The following CYP4F2 variants were observed in gnomAD, a reference collection of about 807,000 sequenced individuals.
CYP4F2 encodes the protein cytochrome P450 family 4 subfamily F member 2, also known as cytochrome P450 4F2.
Under a neutral mutation model 58.9 loss-of-function variants are expected in CYP4F2, and 58 were observed. The ratio of observed to expected loss-of-function variants is 0.98; its 90% CI spans 0.80 to 1.23. The LOEUF (loss-of-function observed/expected upper bound fraction) is 1.23, where lower values mean the gene tolerates loss of function less well. Ranked by LOEUF, CYP4F2 falls within the 50% of genes most tolerant of loss-of-function variation. CYP4F2 has a pLI of 0.00. For synonymous variants in CYP4F2, 287 were observed against 261.1 expected (o/e 1.10, Z -0.95); for missense variants, 616 against 685.6 (o/e 0.90, Z 1.13).
chr19:15,890,569 A>ATAACCT, intron 5 of CYP4F2, 136 bp from the exon 6 acceptor site: 1 of 1,374,712 alleles, frequency 7.3e-7, no homozygotes, highest in Non-Finnish European at 9.7e-7. Context: ...AGGGAGCACC[A>ATAACCT]GGTTATGGTG....
intron 1 of CYP4F2, 121 bp from the exon 2 acceptor site, chr19:15,897,733 G>T: frequency 2.4e-6 from 3 of 1,266,138 alleles, no homozygotes; most frequent in Non-Finnish European, 2.2e-6. Context: ...AGGGCTCAGG[G>T]ATGGGTAAAA....
At chr19:15,878,958 T>A in intron 12 of CYP4F2, 22 bp from the exon 13 acceptor site, 1 of 1,610,080 alleles carries the variant, frequency 6.2e-7, no homozygotes, top group Middle Eastern at 1.8e-4. Flanking sequence ...AGGTGGGAAC[T>A]CTGACTGCAC....
intron 6 of CYP4F2, 139 bp from the exon 7 acceptor site, chr19:15,889,832 G>A: frequency 1.5e-6 from 2 of 1,323,690 alleles, no homozygotes; most frequent in Non-Finnish European, 2.1e-6. Context: ...ATACAGGGTG[G>A]GGATCAGCAT....
Position 15,881,789 on chromosome 19 carries a change from A to T in CYP4F2, c.1116-1892T>A, listed in dbSNP as rs1386604858. On this transcript the variant is annotated intron_variant, in intron 9 of 12. Transcript: ENST00000221700. Reference sequence around the variant, plus strand: ...ATGTGGTGTGTATATACAATGGAATACCATTCAGCCTTAAAAAAAAAAAAA... The same window carrying T: ...ATGTGGTGTGTATATACAATGGAATTCCATTCAGCCTTAAAAAAAAAAAAA... Among the ~76,000 whole-genome samples the T allele has an allele frequency of 2.0e-5, 3 of 151,848 alleles. 1 individual carries two copies. The highest frequency in any genetic ancestry group is 4.4e-5 in the Non-Finnish European group (3 of 67,978).
In CYP4F2 at chr19:15,885,906, A is replaced by G. The variant is rs1213213197; in HGVS notation, c.1115+18T>C. On this transcript the variant is annotated intron_variant, in intron 9 of 12. Transcript: ENST00000221700. Reference sequence around the variant, plus strand: ...AATGAGAAGGTCTCAGGAAGAGGCCACAAGCACCTGCACTCACCATTCAAT... The same window carrying G: ...AATGAGAAGGTCTCAGGAAGAGGCCGCAAGCACCTGCACTCACCATTCAAT... The G allele has an allele frequency of 6.2e-7, 1 of 1,609,498 alleles. No individual in the cohort carries two copies. Among genetic ancestry groups the G allele is most frequent in the Non-Finnish European group, 8.5e-7 (1 of 1,177,464 alleles).
chr19:15,883,065 G>A (rs2089354914), intron 9 of CYP4F2, among the ~76,000 whole-genome samples: 2 of 152,142 alleles, frequency 1.3e-5, no homozygotes, highest in Admixed American at 6.5e-5. Flanking sequence ...CATGGGTCCA[G>A]GCAAAGATTT....
At chr19:15,887,699 C>T (rs950621817) in intron 7 of CYP4F2, among the ~76,000 whole-genome samples, 11 of 151,148 alleles carry the variant, frequency 7.3e-5, no homozygotes, top group Non-Finnish European at 1.6e-4. Context: ...TAGACACAGG[C>T]ACACACATAT....
intron 9 of CYP4F2, among the ~76,000 whole-genome samples, chr19:15,883,550 C>G (rs2089357571): frequency 1.3e-5 from 2 of 152,166 alleles, no homozygotes; most frequent in South Asian, 4.1e-4. Flanking sequence ...AGCGCAGCCA[C>G]TGCAGAGAAC....
rs749368089 is a variant in CYP4F2, at chr19:15,886,328, C to CA, written c.919-21_919-20insT. On this transcript the variant is annotated intron_variant, in intron 7 of 12. Coordinates refer to ENST00000221700, the MANE Select transcript of CYP4F2 (RefSeq NM_001082.5). ...TTCATCCTGGAGAGAAGGCAGTAAC[C>CA]CCCCCCAACCCCCACCCCCATAAAA... 1.9e-5 allele frequency: 31 copies of CA among 1,596,202 alleles called. No individual in the cohort carries two copies. The highest frequency in any genetic ancestry group is 1.3e-4 in the South Asian group (12 of 90,766).
At chr19:15,897,079 C>A (rs1210175201) in intron 2 of CYP4F2, among the ~76,000 whole-genome samples, 1 of 152,144 alleles carries the variant, frequency 6.6e-6, no homozygotes, top group African/African-American at 2.4e-5. Context: ...GCATAAGAAG[C>A]CTCGAGTCCA....
At chr19:15,887,510 A>G (rs970552684) in intron 7 of CYP4F2, among the ~76,000 whole-genome samples, 11 of 146,970 alleles carry the variant, frequency 7.5e-5, no homozygotes, top group African/African-American at 2.5e-4. Context: ...AGACACAGAT[A>G]TAGACACAGA....
intron 3 of CYP4F2, among the ~76,000 whole-genome samples, chr19:15,893,448 C>A (rs1258318338): frequency 1.3e-5 from 2 of 152,300 alleles, no homozygotes; most frequent in South Asian, 2.1e-4. Context: ...CTCTACATGA[C>A]CCCAGTTGGA....
chr19:15,897,122 C>T (rs1476036288), intron 2 of CYP4F2, among the ~76,000 whole-genome samples: 2 of 152,150 alleles, frequency 1.3e-5, no homozygotes, highest in African/African-American at 4.8e-5. Flanking sequence ...CAGGGACTCG[C>T]CTCTCTGTGC....
rs3093101 is a variant in CYP4F2 at position 15,897,654 on chromosome 19, G to C, written c.-1-42C>G. 2.5e-6 allele frequency: 4 copies of C among 1,607,906 alleles called. No individual in the cohort carries two copies. The South Asian group carries it at 3.3e-5, about 13-fold the overall frequency. ...ATGGACGGTGAGATCCTGAGGCCCA[G>C]AGAACGGCCCAGGGACCTCCAGGGA... On this transcript the variant is annotated intron_variant, in intron 1 of 12. Transcript: ENST00000221700.
rs1264602077 is a variant in CYP4F2, at chr19:15,892,329, C to G, written c.505G>C (p.Glu169Gln). The G allele has an allele frequency of 6.2e-7, 1 of 1,614,056 alleles. No homozygotes were observed. The highest frequency in any genetic ancestry group is 1.7e-5 in the Admixed American group (1 of 60,010). ...CTCACGTGCATGATGTTCACACTCTCATTGAAAATCTTCATATAGGGCTTC... is the reference window on the plus strand; with the variant it reads ...CTCACGTGCATGATGTTCACACTCTGATTGAAAATCTTCATATAGGGCTTC... Reference protein sequence around the residue: ...ILKPYMKIFNESVNIMHAKWQ... With the variant: ...ILKPYMKIFNQSVNIMHAKWQ... The change falls in exon 5 of 13, where the codon GAG becomes CAG. Residue 169 changes from glutamate to glutamine, a missense_variant. Coordinates refer to ENST00000221700, the MANE Select transcript of CYP4F2 (RefSeq NM_001082.5).
At chr19:15,879,936 C>A (rs1185867959) in intron 9 of CYP4F2, 39 bp from the exon 10 acceptor site, 2 of 1,607,080 alleles carry the variant, frequency 1.2e-6, no homozygotes, top group African/African-American at 2.7e-5. Context: ...ATCAAGGGAG[C>A]AAAGACACAA....
chr19:15,895,401 G>A, intron 3 of CYP4F2, 105 bp downstream of exon 3: 1 of 1,338,376 alleles, frequency 7.5e-7, no homozygotes, highest in South Asian at 1.8e-5. Context: ...AGCTGAGAGG[G>A]AAGGAAAGGA....
At chr19:15,881,561 T>TG (rs1176308216) in intron 9 of CYP4F2, among the ~76,000 whole-genome samples, 77 of 126,212 alleles carry the variant, frequency 6.1e-4, no homozygotes, top group African/African-American at 1.9e-3. Context: ...CATAGATAGA[T>TG]GATGGATAGA....
chr19:15,879,512 G>A lies in CYP4F2; in HGVS notation c.1315-84C>T. 4.4e-6 allele frequency: 7 copies of A among 1,607,272 alleles called. No homozygotes were observed. The East Asian group carries it at 1.3e-4, about 31-fold the overall frequency. ...GAGACAGACAGTTGTGTGTGTCTTT[G>A]AGGGAGGTGATGTTGGATACTCCTG... On this transcript the variant is annotated intron_variant, in intron 11 of 12. Coordinates refer to ENST00000221700, the MANE Select transcript of CYP4F2 (RefSeq NM_001082.5).
Sources: gnomAD v4.1 joint callset for allele counts (sites outside exome capture counted in the v4.1 genomes callset) on GRCh38, gnomAD v4.1.1 for gene constraint, MANE v1.5 for transcripts, NCBI Gene and HGNC (gene_info 2026-07-23, HGNC 2026-07-21) for gene names.